Variants in PRKCB observed in about 807,000 individuals in gnomAD.
PRKCB encodes protein kinase C beta type.
PRKCB carries 13 observed loss-of-function variants against 81.5 expected under a neutral mutation model. The observed-to-expected ratio is 0.16, with a 90% confidence interval of 0.10 to 0.25. The LOEUF is 0.25. Among genes scored for constraint, PRKCB ranks in the 10% least tolerant of loss-of-function variants. The pLI, the probability that PRKCB is intolerant of heterozygous loss-of-function variation, is 1.00. For missense variants in PRKCB, 509 were observed against 875.7 expected (o/e 0.58, Z 5.29); for synonymous variants, 335 against 321.4 (o/e 1.04, Z -0.45).
chr16:24,067,918 G>C (rs1966056870), intron 5 of PRKCB, among the ~76,000 whole-genome samples: 1 of 151,134 alleles, frequency 6.6e-6, no homozygotes, highest in Admixed American at 6.6e-5. Flanking sequence ...AGTGAGCCTG[G>C]GTGACAGAGC....
intron 3 of PRKCB, among the ~76,000 whole-genome samples, chr16:24,006,329 C>T (rs117693934): frequency 0.026 from 4,006 of 152,288 alleles, 66 homozygotes; most frequent in Admixed American, 0.033. Context: ...TTTTGTGGTG[C>T]AGTTCTAAAG....
At chr16:24,193,678 G>T (rs1967834205) in intron 16 of PRKCB, among the ~76,000 whole-genome samples, 1 of 152,024 alleles carries the variant, frequency 6.6e-6, no homozygotes, top group African/African-American at 2.4e-5. Context: ...TGGGGTGATG[G>T]CTTCCAGAAG....
intron 5 of PRKCB, among the ~76,000 whole-genome samples, chr16:24,043,191 G>A (rs1965724176): frequency 6.6e-6 from 1 of 152,162 alleles, no homozygotes; most frequent in Admixed American, 6.5e-5. Flanking sequence ...CCCACACACT[G>A]CACTCATACT....
chr16:24,168,937 C>G (rs2141963816), intron 10 of PRKCB, among the ~76,000 whole-genome samples: 1 of 151,968 alleles, frequency 6.6e-6, no homozygotes, highest in East Asian at 1.9e-4. Context: ...TGAGATACAA[C>G]TTGAGTTTGG....
chr16:24,038,856 C>T (rs1965660237), intron 5 of PRKCB, among the ~76,000 whole-genome samples: 1 of 152,188 alleles, frequency 6.6e-6, no homozygotes, highest in Admixed American at 6.5e-5. Flanking sequence ...CAGTCAGTCC[C>T]ATCTTGAGGC....
At chr16:24,044,470 A>T (rs1329098558) in intron 5 of PRKCB, among the ~76,000 whole-genome samples, 1 of 152,212 alleles carries the variant, frequency 6.6e-6, no homozygotes, top group East Asian at 1.9e-4. Context: ...AAGCTGTAAG[A>T]TTATGATTTA....
chr16:23,970,261 A>AG (rs1367597736), intron 2 of PRKCB, among the ~76,000 whole-genome samples: 5 of 151,004 alleles, frequency 3.3e-5, no homozygotes, highest in Non-Finnish European at 7.4e-5. Context: ...AAGGCACCAA[A>AG]GGGTAGTAAC....
chr16:24,161,277 T>C (rs189498424), intron 10 of PRKCB, among the ~76,000 whole-genome samples: 1 of 152,202 alleles, frequency 6.6e-6, no homozygotes, highest in Non-Finnish European at 1.5e-5. Flanking sequence ...TATATTGGAA[T>C]AAAAATATCT....
At chr16:24,153,605 T>C (rs1177429107) in intron 9 of PRKCB, among the ~76,000 whole-genome samples, 3 of 152,190 alleles carry the variant, frequency 2.0e-5, no homozygotes, top group Non-Finnish European at 4.4e-5. Flanking sequence ...TTGTTCTGTC[T>C]GGCATAATCA....
At position 23,864,946 on chromosome 16, in the gene PRKCB, C is replaced by T. The variant is rs117684650; in HGVS notation, c.205+27540C>T. 3.5e-3 allele frequency among the ~76,000 whole-genome samples: 525 copies of T among 152,020 alleles called. 2 individuals are homozygous for T. Among genetic ancestry groups the T allele is most frequent in the Non-Finnish European group, 5.4e-3 (368 of 67,980 alleles). On this transcript the variant is annotated intron_variant, in intron 2 of 16. Transcript: ENST00000643927. ...TTTCCATCTTTATGCCCCTGTGTAC[C>T]CAATGTTTAGTTCCCACTTCGAAGT... is the stretch of plus-strand genomic sequence containing the variant.
At chr16:23,931,134 C>A (rs930102905) in intron 2 of PRKCB, among the ~76,000 whole-genome samples, 1 of 152,208 alleles carries the variant, frequency 6.6e-6, no homozygotes, top group Non-Finnish European at 1.5e-5. Context: ...AGTGAAGACA[C>A]GCTCAAAGAC....
At position 24,009,040 on chromosome 16, in the gene PRKCB, G is replaced by C. The variant is rs190899634; in HGVS notation, c.288+20450G>C. On this transcript the variant is annotated intron_variant, in intron 3 of 16. Coordinates refer to ENST00000643927, the MANE Select transcript of PRKCB (RefSeq NM_002738.7). ...TCATTGCAGAACTTCCTTCTTTTTG[G>C]GGGGCTGAAAAATATTCCATCATAT... Among the ~76,000 whole-genome samples, 13 of 152,086 alleles carry C rather than the reference G, an allele frequency of 8.5e-5. No homozygotes were observed. In the East Asian group the frequency reaches 2.5e-3, roughly 29 times the overall value.
chr16:23,862,812 C>T (rs1962695954), intron 2 of PRKCB, among the ~76,000 whole-genome samples: 1 of 152,046 alleles, frequency 6.6e-6, no homozygotes, highest in African/African-American at 2.4e-5. Context: ...CCGGGACTTG[C>T]TGGGCTGCAT....
chr16:24,013,145 G>A (rs768254081), intron 3 of PRKCB, among the ~76,000 whole-genome samples: 2 of 152,118 alleles, frequency 1.3e-5, no homozygotes, highest in African/African-American at 2.4e-5. Flanking sequence ...CCTCAGGGAA[G>A]CCCTTCCTGA....
chr16:24,052,044 A>G (rs1347396579), intron 5 of PRKCB, among the ~76,000 whole-genome samples: 2 of 150,846 alleles, frequency 1.3e-5, no homozygotes, highest in African/African-American at 4.9e-5. Flanking sequence ...TGGGAGGTGG[A>G]GGTTGCAGTG....
At chr16:23,852,734 C>T (rs1263961567) in intron 2 of PRKCB, among the ~76,000 whole-genome samples, 2 of 152,156 alleles carry the variant, frequency 1.3e-5, no homozygotes, top group African/African-American at 2.4e-5. Context: ...TCTCACAATC[C>T]CTATCAACCG....
intron 5 of PRKCB, among the ~76,000 whole-genome samples, chr16:24,044,602 G>A (rs1234894624): frequency 6.6e-6 from 1 of 152,190 alleles, no homozygotes; most frequent in Non-Finnish European, 1.5e-5. Context: ...TTGGTGTAAA[G>A]CAGAGGTTGC....
rs534308300 is a variant in PRKCB, at chr16:24,156,538, G to GT, written c.1239+1682dup. 3.5e-3 allele frequency among the ~76,000 whole-genome samples: 538 copies of GT among 152,272 alleles called. 6 individuals carry two copies. The highest frequency in any genetic ancestry group is 0.012 in the African/African-American group (481 of 41,558). On this transcript the variant is annotated intron_variant, in intron 10 of 16. Coordinates refer to ENST00000643927, the MANE Select transcript of PRKCB (RefSeq NM_002738.7). ...GATTCACCTGCTTCGGCCTCCCAAG[G>GT]TGCTGGGATTACAGGCATGAGTCAC...
At chr16:23,900,035 G>A (rs1597235505) in intron 2 of PRKCB, among the ~76,000 whole-genome samples, 1 of 152,104 alleles carries the variant, frequency 6.6e-6, no homozygotes, top group East Asian at 1.9e-4. Flanking sequence ...TTTAACTCAA[G>A]TGATTTTGCC....
Sources: allele counts gnomAD v4.1 joint callset (sites outside exome capture counted in the v4.1 genomes callset), GRCh38; gene constraint gnomAD v4.1.1; transcripts MANE v1.5; gene names NCBI Gene and HGNC (gene_info 2026-07-23, HGNC 2026-07-21).